Variants in ARVCF observed in about 807,000 individuals in gnomAD.
ARVCF encodes the protein ARVCF delta catenin family member, also known as splicing regulator ARVCF.
ARVCF carries 66 observed loss-of-function variants against 90.9 expected under a neutral mutation model. The ratio of observed to expected loss-of-function variants is 0.73; its 90% CI spans 0.60 to 0.89. ARVCF has a LOEUF of 0.89. ARVCF is among the 40% of genes least tolerant of loss of function. The pLI is 0.00. For synonymous variants in ARVCF, 653 were observed against 603.4 expected, an observed-to-expected ratio of 1.08 and a Z score of -1.21; for missense variants, 1,469 against 1,382.3, an observed-to-expected ratio of 1.06 and a Z score of -1.00.
At chr22:19,993,988 CGAG>C (rs983475555) in intron 2 of ARVCF, among the ~76,000 whole-genome samples, 5 of 152,104 alleles carry the variant, frequency 3.3e-5, no homozygotes, top group Admixed American at 3.3e-4. Flanking sequence ...GCAGGTGGCC[CGAG>C]GAGAGAAGCA....
In ARVCF at chr22:19,970,302, C is replaced by A; in HGVS notation, c.*454G>T. 1 of 995,456 alleles carries A rather than the reference C, an allele frequency of 1.0e-6. No individual in the cohort carries two copies. The highest frequency in any genetic ancestry group is 1.2e-6 in the Non-Finnish European group (1 of 835,970). 61.7% of individuals were successfully genotyped at this position (995,456 alleles called of 1,614,324 possible). On this transcript the variant is annotated 3_prime_UTR_variant, in exon 20 of 20. Transcript: ENST00000263207. The stretch of plus-strand genomic sequence containing the variant: ...CCTGCAGGGTGCCCAGGGAGACCCT[C>A]CGCCTTTAGAAGTCCAAGTTCTTTC...
At chr22:19,992,131 GAA>G (rs1944052196) in intron 2 of ARVCF, among the ~76,000 whole-genome samples, 2 of 152,210 alleles carry the variant, frequency 1.3e-5, no homozygotes, top group Non-Finnish European at 2.9e-5. Flanking sequence ...CCTCATAGGT[GAA>G]GAGACACTGT....
chr22:19,981,498 G>A lies in ARVCF; in HGVS notation c.609C>T (p.Ser203=). The A allele has an allele frequency of 2.6e-6, 4 of 1,556,868 alleles. No individual in the cohort carries two copies. Among genetic ancestry groups the A allele is most frequent in the Non-Finnish European group, 3.5e-6 (4 of 1,152,932 alleles). Residue 203 remains serine (S), a synonymous_variant, in exon 5 of 20, where the codon AGC becomes AGT. Coordinates refer to ENST00000263207, the MANE Select transcript of ARVCF (RefSeq NM_001670.3). ...PEPRDSPSYG[S]LSRGLGMRPP... is the part of the protein sequence containing the mutation. ...GCCGCATGCCCAGCCCTCGGGACAGGCTGCCATAGCTGGGGCTGTCCCGGG... is the reference window on the plus strand; with the variant it reads ...GCCGCATGCCCAGCCCTCGGGACAGACTGCCATAGCTGGGGCTGTCCCGGG...
At chr22:20,001,773 C>A (rs1032245920) in intron 2 of ARVCF, among the ~76,000 whole-genome samples, 1 of 151,842 alleles carries the variant, frequency 6.6e-6, no homozygotes, top group Non-Finnish European at 1.5e-5. Context: ...GCCTGGGCAA[C>A]AAAAGCAAAA....
In ARVCF at chr22:19,980,024, T is replaced by C. The variant is rs919437138; in HGVS notation, c.1115A>G (p.Asp372Gly). 1 of 1,591,328 alleles carries C rather than the reference T, an allele frequency of 6.3e-7. No individual in the cohort carries two copies. The highest frequency in any genetic ancestry group is 8.6e-7 in the Non-Finnish European group (1 of 1,168,824). Residue 372 changes from aspartate to glycine, a missense_variant, in exon 6 of 20, where the codon GAC becomes GGC. Physicochemically the swap from Asp to Gly is moderately conservative, Grantham distance 94. Coordinates refer to ENST00000263207, the MANE Select transcript of ARVCF (RefSeq NM_001670.3). Reference sequence around the variant, plus strand: ...GGCGGCCGCATTGGCCTTCACGGGGTCCACGGGGTGCCGCAGCATGGCCAG... The same window carrying C: ...GGCGGCCGCATTGGCCTTCACGGGGCCCACGGGGTGCCGCAGCATGGCCAG... ...EVLAMLRHPV[D>G]PVKANAAAYL...
At chr22:19,971,844 G>C (rs768836282) in intron 18 of ARVCF, 42 bp downstream of exon 18, 7 of 1,601,860 alleles carry the variant, frequency 4.4e-6, no homozygotes, top group Admixed American at 1.7e-5. Context: ...CCTAGACACG[G>C]GGCCTCACCG....
Position 19,997,762 on chromosome 22 carries a change from C to T in ARVCF, c.-18-6950G>A, listed in dbSNP as rs1336262173. On this transcript the variant is annotated intron_variant, in intron 2 of 19. Transcript: ENST00000263207. ...CTGCACACTCAGCCCACCCACTCCG[C>T]CCCCAATGATGAGCATGAAGTTTGT... Among the ~76,000 whole-genome samples, 4 of 152,336 alleles carry T rather than the reference C, an allele frequency of 2.6e-5. No homozygotes were observed. The East Asian group carries it at 7.7e-4, about 29-fold the overall frequency.
At chr22:20,016,306 C>T (rs1163283013) in intron 1 of ARVCF, among the ~76,000 whole-genome samples, 1 of 152,114 alleles carries the variant, frequency 6.6e-6, no homozygotes, top group East Asian at 1.9e-4. Flanking sequence ...GTGCAAGACG[C>T]CCGGACGGGT....
chr22:19,972,871 G>C, intron 15 of ARVCF, 44 bp from the exon 16 acceptor site: 1 of 1,613,590 alleles, frequency 6.2e-7, no homozygotes, highest in Non-Finnish European at 8.5e-7. Flanking sequence ...AGCACATGGA[G>C]TGGGAATAAG....
intron 2 of ARVCF, among the ~76,000 whole-genome samples, chr22:20,001,217 C>G (rs1328063946): frequency 2.0e-5 from 3 of 152,182 alleles, no homozygotes; most frequent in Non-Finnish European, 4.4e-5. Context: ...CCGGGTCAAG[C>G]CTGCCCCTGA....
At chr22:20,006,882 A>G (rs1030266140) in intron 2 of ARVCF, among the ~76,000 whole-genome samples, 4 of 151,762 alleles carry the variant, frequency 2.6e-5, no homozygotes, top group Non-Finnish European at 5.9e-5. Flanking sequence ...TGCCTGCCTC[A>G]GCCTCCCAAA....
At chr22:19,979,672 T>G in intron 6 of ARVCF, 71 bp downstream of exon 6, 1 of 1,489,806 alleles carries the variant, frequency 6.7e-7, no homozygotes, top group Non-Finnish European at 9.0e-7. Context: ...CCGAGTGGCC[T>G]CGTTCCTCCC....
In ARVCF at chr22:19,970,782, G is replaced by C. The variant is rs1012984148; in HGVS notation, c.*13-39C>G. 8.5e-6 allele frequency: 11 copies of C among 1,293,128 alleles called. No individual in the cohort carries two copies. In the African/African-American group the frequency reaches 1.4e-4, roughly 16 times the overall value. The allele number at this position is 1,293,128 out of a possible 1,614,324, so 80.1% of individuals were successfully genotyped here. ...GGGGATGGTGGACGCTGCAGCCACT[G>C]AGTGGCACAGGACCACGTGTAACCT... On this transcript the variant is annotated intron_variant, in intron 19 of 19. Transcript: ENST00000263207.
downstream of ARVCF, among the ~76,000 whole-genome samples, chr22:19,965,861 T>C (rs1942363590): frequency 1.3e-5 from 2 of 152,064 alleles, no homozygotes; most frequent in Non-Finnish European, 2.9e-5. Flanking sequence ...ACAGGGTAGC[T>C]GGAGGGGGGC....
downstream of ARVCF, chr22:19,969,023 G>A (rs2146201540): frequency 3.2e-6 from 1 of 308,302 alleles, no homozygotes; most frequent in East Asian, 7.8e-5. Flanking sequence ...TAAATATTTA[G>A]ATATAACTCG....
chr22:20,005,591 G>A (rs538084638), intron 2 of ARVCF, among the ~76,000 whole-genome samples: 2 of 152,116 alleles, frequency 1.3e-5, no homozygotes, highest in African/African-American at 4.8e-5. Flanking sequence ...AGGCCGAGGC[G>A]GGTGGATCAC....
At chr22:20,009,850 G>T (rs1033362694) in intron 2 of ARVCF, among the ~76,000 whole-genome samples, 21 of 152,242 alleles carry the variant, frequency 1.4e-4, no homozygotes, top group Non-Finnish European at 1.2e-4. Context: ...CATGGCCTAC[G>T]GCTGTGATCA....
chr22:19,977,291 G>A, intron 9 of ARVCF, 124 bp downstream of exon 9: 2 of 1,301,170 alleles, frequency 1.5e-6, no homozygotes, highest in East Asian at 2.7e-5. Context: ...TTCCCTGCCT[G>A]CCTGTTGGGG....
intron 1 of ARVCF, among the ~76,000 whole-genome samples, chr22:20,016,351 C>G (rs149444766): frequency 1.3e-5 from 2 of 152,138 alleles, no homozygotes; most frequent in Non-Finnish European, 1.5e-5. Context: ...CAAAGAGACC[C>G]GCCCCCGCCG....
Sources: gnomAD v4.1 joint callset for allele counts (sites outside exome capture counted in the v4.1 genomes callset) on GRCh38, gnomAD v4.1.1 for gene constraint, MANE v1.5 for transcripts, NCBI Gene and HGNC (gene_info 2026-07-23, HGNC 2026-07-21) for gene names.